The following TMEM71 variants were observed in gnomAD, a reference collection of about 807,000 sequenced individuals.
TMEM71 encodes transmembrane protein 71.
Under a neutral mutation model 38.0 loss-of-function variants are expected in TMEM71, and 44 were observed. The observed-to-expected ratio is 1.16, with a 90% confidence interval of 0.91 to 1.49. The LOEUF (loss-of-function observed/expected upper bound fraction) is 1.49, where lower values mean the gene tolerates loss of function less well. Ranked by LOEUF, TMEM71 falls within the 40% of genes most tolerant of loss-of-function variation. The pLI, the probability that TMEM71 is intolerant of heterozygous loss-of-function variation, is 0.00. For missense variants in TMEM71, 367 were observed against 348.6 expected, an observed-to-expected ratio of 1.05 and a Z score of -0.42; for synonymous variants, 133 against 122.5, an observed-to-expected ratio of 1.09 and a Z score of -0.56.
At chr8:132,746,372 T>C (rs1828349265) in intron 5 of TMEM71, among the ~76,000 whole-genome samples, 1 of 19,154 alleles carries the variant, frequency 5.2e-5, no homozygotes, top group South Asian at 3.2e-3. Context: ...CACACATATA[T>C]ATACATATAT....
At chr8:132,748,574 C>T (rs1828519912) in intron 4 of TMEM71, among the ~76,000 whole-genome samples, 1 of 152,198 alleles carries the variant, frequency 6.6e-6, no homozygotes, top group Non-Finnish European at 1.5e-5. Context: ...CAATGGAACA[C>T]ATTCTTGTGA....
intron 6 of TMEM71, among the ~76,000 whole-genome samples, chr8:132,722,434 A>C (rs1483935109): frequency 6.6e-6 from 1 of 152,236 alleles, no homozygotes; most frequent in African/African-American, 2.4e-5. Flanking sequence ...ATAATGTAAG[A>C]AATCTAATTC....
At chr8:132,718,676 C>T (rs1185916207) in intron 7 of TMEM71, among the ~76,000 whole-genome samples, 1 of 152,090 alleles carries the variant, frequency 6.6e-6, no homozygotes, top group East Asian at 1.9e-4. Flanking sequence ...GGACTACAGG[C>T]GTGAGCCACC....
At chr8:132,742,185 A>T (rs1026940251) in intron 5 of TMEM71, among the ~76,000 whole-genome samples, 1 of 152,274 alleles carries the variant, frequency 6.6e-6, no homozygotes, top group African/African-American at 2.4e-5. Flanking sequence ...CCAATGATTA[A>T]TGATATTCAT....
the TMEM71 span, chr8:132,775,481 A>G: frequency 5.3e-6 from 2 of 376,702 alleles, no homozygotes; most frequent in Non-Finnish European, 9.4e-6. Context: ...CTCCCGCGAA[A>G]CCTTGGGCGG....
chr8:132,714,269 G>A, intron 7 of TMEM71, 54 bp from the exon 8 acceptor site: 1 of 1,375,444 alleles, frequency 7.3e-7, no homozygotes, highest in East Asian at 2.3e-5. Context: ...TTTCCAACCT[G>A]TGTGATTTTT....
At chr8:132,752,778 A>G (rs1828787279) in intron 3 of TMEM71, among the ~76,000 whole-genome samples, 1 of 149,826 alleles carries the variant, frequency 6.7e-6, no homozygotes, top group African/African-American at 2.5e-5. Flanking sequence ...GAGAAAAAAA[A>G]AAGGGAGAGA....
chr8:132,715,154 C>G (rs1047669124), intron 7 of TMEM71, among the ~76,000 whole-genome samples: 1 of 152,004 alleles, frequency 6.6e-6, no homozygotes, highest in Non-Finnish European at 1.5e-5. Context: ...TGCCTGTAAT[C>G]CCAGCACTTT....
At chr8:132,711,102 A>C in intron 9 of TMEM71, 120 bp from the exon 10 acceptor site, 1 of 863,428 alleles carries the variant, frequency 1.2e-6, no homozygotes, top group Non-Finnish European at 1.8e-6. Context: ...CCATACCCAC[A>C]ACGGGCCTGA....
chr8:132,744,020 A>G (rs767958381), intron 5 of TMEM71, among the ~76,000 whole-genome samples: 18 of 152,134 alleles, frequency 1.2e-4, no homozygotes, highest in Non-Finnish European at 2.4e-4. Flanking sequence ...ATTATATCAT[A>G]TAATTTTTTT....
chr8:132,736,083 G>C (rs535738714), intron 5 of TMEM71, among the ~76,000 whole-genome samples: 2 of 152,282 alleles, frequency 1.3e-5, no homozygotes, highest in Admixed American at 1.3e-4. Context: ...CAGCTACCAA[G>C]GTTCTAAACT....
At chr8:132,745,595 A>G (rs766924000) in intron 5 of TMEM71, among the ~76,000 whole-genome samples, 2 of 152,172 alleles carry the variant, frequency 1.3e-5, no homozygotes, top group Admixed American at 1.3e-4. Flanking sequence ...AATTATTTCA[A>G]CCACTGTGGA....
upstream of TMEM71, among the ~76,000 whole-genome samples, chr8:132,764,154 T>C (rs182186362): frequency 6.6e-6 from 1 of 152,354 alleles, no homozygotes; most frequent in Non-Finnish European, 1.5e-5. Context: ...CATGTAGCTC[T>C]TAGGCTTATC....
chr8:132,715,337 G>C (rs545352491), intron 7 of TMEM71, among the ~76,000 whole-genome samples: 1 of 148,912 alleles, frequency 6.7e-6, no homozygotes, highest in Admixed American at 6.7e-5. Flanking sequence ...GTGAACCCGG[G>C]AGGCGGAGCT....
chr8:132,716,859 T>C (rs1262391024), intron 7 of TMEM71, among the ~76,000 whole-genome samples: 1 of 152,216 alleles, frequency 6.6e-6, no homozygotes, highest in Non-Finnish European at 1.5e-5. Context: ...CAACTGCACA[T>C]TGTTCTGTGG....
chr8:132,755,578 T>C (rs894427682), intron 3 of TMEM71, among the ~76,000 whole-genome samples: 5 of 152,152 alleles, frequency 3.3e-5, no homozygotes, highest in Non-Finnish European at 5.9e-5. Flanking sequence ...GACTGGTTGG[T>C]GAAAGGACAA....
intron 6 of TMEM71, among the ~76,000 whole-genome samples, chr8:132,725,218 T>C (rs1400211746): frequency 6.6e-6 from 1 of 152,024 alleles, no homozygotes; most frequent in Non-Finnish European, 1.5e-5. Context: ...TTTGTAGAAA[T>C]GGGGTCTCAC....
chr8:132,747,242 T>C, intron 4 of TMEM71, 128 bp from the exon 5 acceptor site: 2 of 841,412 alleles, frequency 2.4e-6, no homozygotes, highest in Non-Finnish European at 3.5e-6. Flanking sequence ...CAAAAGTTTC[T>C]CAAAATTCTA....
At position 132,749,754 on chromosome 8, in the gene TMEM71, A is replaced by T. The variant is rs139610597; in HGVS notation, c.314+2031T>A. ...ATCTGGGCCCGGCACAGTGGCTCACACCTGTAATCCCAGCACTTTGGGAGT... is the reference window on the plus strand; with the variant it reads ...ATCTGGGCCCGGCACAGTGGCTCACTCCTGTAATCCCAGCACTTTGGGAGT... On this transcript the variant is annotated intron_variant, in intron 4 of 9. Transcript: ENST00000677595. 1.8e-3 allele frequency among the ~76,000 whole-genome samples: 275 copies of T among 152,250 alleles called. 4 individuals carry two copies. Among genetic ancestry groups the T allele is most frequent in the African/African-American group, 6.3e-3 (263 of 41,546 alleles).
Sources: gnomAD v4.1 joint callset for allele counts (sites outside exome capture counted in the v4.1 genomes callset) on GRCh38, gnomAD v4.1.1 for gene constraint, MANE v1.5 for transcripts, NCBI Gene and HGNC (gene_info 2026-07-23, HGNC 2026-07-21) for gene names.